Variants in ESRRG observed in about 807,000 individuals in gnomAD.
ESRRG encodes the protein estrogen related receptor gamma, also known as estrogen-related receptor gamma.
Under a neutral mutation model 44.0 loss-of-function variants are expected in ESRRG, and 13 were observed. That is an observed-to-expected ratio of 0.30 (90% CI 0.19 to 0.47). The LOEUF (loss-of-function observed/expected upper bound fraction) is 0.47, where lower values mean the gene tolerates loss of function less well. Among genes scored for constraint, ESRRG ranks in the 20% least tolerant of loss-of-function variants. ESRRG has a pLI of 1.00. For synonymous variants in ESRRG, 215 were observed against 214.6 expected (o/e 1.00, Z -0.02); for missense variants, 395 against 580.6 (o/e 0.68, Z 3.29).
intron 2 of ESRRG, among the ~76,000 whole-genome samples, chr1:216,927,094 G>A (rs895138946): frequency 4.6e-5 from 7 of 152,102 alleles, no homozygotes; most frequent in Non-Finnish European, 7.4e-5. Flanking sequence ...AAAGCAATCC[G>A]AACCATAACT....
At chr1:216,657,131 A>G (rs931173716) in intron 2 of ESRRG, among the ~76,000 whole-genome samples, 3 of 151,932 alleles carry the variant, frequency 2.0e-5, no homozygotes, top group Non-Finnish European at 4.4e-5. Flanking sequence ...TTTCTTTCTT[A>G]TTTTCAATGC....
intron 2 of ESRRG, among the ~76,000 whole-genome samples, chr1:216,808,481 C>A (rs1005897910): frequency 1.3e-5 from 2 of 152,100 alleles, no homozygotes; most frequent in African/African-American, 2.4e-5. Context: ...GGCTGCAGTA[C>A]AGTGGCATGC....
intron 2 of ESRRG, among the ~76,000 whole-genome samples, chr1:216,867,238 A>T (rs1006822717): frequency 6.6e-6 from 1 of 152,220 alleles, no homozygotes; most frequent in African/African-American, 2.4e-5. Context: ...GTGCACAGAA[A>T]ATAATTGAGA....
At chr1:216,646,680 T>C (rs548914671) in intron 3 of ESRRG, among the ~76,000 whole-genome samples, 3 of 152,304 alleles carry the variant, frequency 2.0e-5, no homozygotes, top group African/African-American at 4.8e-5. Flanking sequence ...ATTTATAACA[T>C]GTTGTTTGCA....
intron 1 of ESRRG, among the ~76,000 whole-genome samples, chr1:217,035,420 G>T (rs2082723352): frequency 6.7e-6 from 1 of 149,974 alleles, no homozygotes; most frequent in Non-Finnish European, 1.5e-5. Context: ...GGGTACATAA[G>T]ATCTCAGAAA....
intron 3 of ESRRG, among the ~76,000 whole-genome samples, chr1:216,623,025 T>C (rs184313992): frequency 7.5e-4 from 114 of 151,464 alleles, no homozygotes; most frequent in Non-Finnish European, 1.3e-3. Context: ...CTTCTGTAGT[T>C]ACAGTTCAAT....
chr1:216,569,248 A>AAAGGAAAGGAGGGAGG (rs2060336719), intron 3 of ESRRG, among the ~76,000 whole-genome samples: 1 of 146,770 alleles, frequency 6.8e-6, no homozygotes, highest in Non-Finnish European at 1.5e-5. Flanking sequence ...AAAGGAAAGG[A>AAAGGAAAGGAGGGAGG]AAGGAAAGGA....
chr1:216,731,739 G>A (rs1301838540), intron 2 of ESRRG, among the ~76,000 whole-genome samples: 1 of 152,192 alleles, frequency 6.6e-6, no homozygotes, highest in Non-Finnish European at 1.5e-5. Flanking sequence ...GAATGGTGAT[G>A]GGGGAGGGGC....
At chr1:216,562,303 A>G (rs1001267419) in intron 5 of ESRRG, among the ~76,000 whole-genome samples, 7 of 152,140 alleles carry the variant, frequency 4.6e-5, no homozygotes, top group African/African-American at 1.7e-4. Flanking sequence ...TAGGTTTTTT[A>G]AATGCAATAA....
At chr1:216,733,753 G>A (rs2089318632) in intron 2 of ESRRG, among the ~76,000 whole-genome samples, 1 of 152,038 alleles carries the variant, frequency 6.6e-6, no homozygotes, top group Non-Finnish European at 1.5e-5. Context: ...CACTCTGGGA[G>A]CCTGAGGGGG....
chr1:216,666,515 G>A (rs1016908596), intron 2 of ESRRG, among the ~76,000 whole-genome samples: 19 of 152,218 alleles, frequency 1.2e-4, no homozygotes, highest in African/African-American at 4.1e-4. Flanking sequence ...CTTGGTTCTG[G>A]GTTAAGGGAG....
chr1:217,076,263 C>A (rs2091283886), intron 1 of ESRRG, among the ~76,000 whole-genome samples: 1 of 152,176 alleles, frequency 6.6e-6, no homozygotes, highest in Admixed American at 6.5e-5. Context: ...CTAGATCCAC[C>A]TCCAAATCTG....
chr1:217,089,380 G>A (rs2092287217), intron 1 of ESRRG: 1 of 146,056 alleles, frequency 6.8e-6, no homozygotes, highest in African/African-American at 2.5e-5. Context: ...TTTTTTCCAA[G>A]AGACTATAAG....
At chr1:216,632,800 A>G (rs949116877) in intron 3 of ESRRG, among the ~76,000 whole-genome samples, 1 of 152,152 alleles carries the variant, frequency 6.6e-6, no homozygotes, top group Non-Finnish European at 1.5e-5. Flanking sequence ...TATAAAGTCA[A>G]TGCCCGAAAG....
chr1:216,693,832 T>C (rs2079571710), intron 1 of ESRRG, among the ~76,000 whole-genome samples: 1 of 152,226 alleles, frequency 6.6e-6, no homozygotes, highest in African/African-American at 2.4e-5. Context: ...GAATTAATTG[T>C]TTTATACTTC....
intron 3 of ESRRG, among the ~76,000 whole-genome samples, chr1:216,648,437 A>T (rs942264099): frequency 1.3e-5 from 2 of 152,142 alleles, no homozygotes; most frequent in Non-Finnish European, 2.9e-5. Flanking sequence ...CCTAGAAAAC[A>T]GATACTTGCT....
intron 5 of ESRRG, among the ~76,000 whole-genome samples, chr1:216,559,699 G>C (rs2058338782): frequency 6.6e-6 from 1 of 152,134 alleles, no homozygotes; most frequent in Non-Finnish European, 1.5e-5. Context: ...TCACTTAATG[G>C]TGCTACTATT....
At chr1:216,671,621 G>A (rs146125669) in intron 2 of ESRRG, among the ~76,000 whole-genome samples, 101 of 152,242 alleles carry the variant, frequency 6.6e-4, no homozygotes, top group African/African-American at 2.2e-3. Context: ...GAAAAGAGGG[G>A]TTAAGGTCTC....
intron 2 of ESRRG, among the ~76,000 whole-genome samples, chr1:216,672,914 T>G (rs12119191): frequency 3.3e-5 from 5 of 152,026 alleles, no homozygotes; most frequent in African/African-American, 1.2e-4. Flanking sequence ...TAACAGATGA[T>G]GGTGTACATG....
Sources: allele counts gnomAD v4.1 joint callset (sites outside exome capture counted in the v4.1 genomes callset), GRCh38; gene constraint gnomAD v4.1.1; transcripts MANE v1.5; gene names NCBI Gene and HGNC (gene_info 2026-07-23, HGNC 2026-07-21).